The following PITPNC1 variants were observed in gnomAD, a reference collection of about 807,000 sequenced individuals.
PITPNC1 encodes the protein phosphatidylinositol transfer protein cytoplasmic 1, also known as cytoplasmic phosphatidylinositol transfer protein 1.
Under a neutral mutation model 44.7 loss-of-function variants are expected in PITPNC1, and 18 were observed. That is an observed-to-expected ratio of 0.40 (90% CI 0.28 to 0.60). The LOEUF (loss-of-function observed/expected upper bound fraction) is 0.60, where lower values mean the gene tolerates loss of function less well. PITPNC1 is among the 20% of genes least tolerant of loss of function. PITPNC1 has a pLI of 0.39. For missense variants in PITPNC1, 290 were observed against 418.4 expected (o/e 0.69, Z 2.68); for synonymous variants, 141 against 149.6 (o/e 0.94, Z 0.42).
intron 5 of PITPNC1, among the ~76,000 whole-genome samples, chr17:67,608,247 C>A (rs72848182): frequency 0.031 from 3,475 of 113,160 alleles, 108 homozygotes; most frequent in African/African-American, 0.099. Context: ...AAAAAAAAAA[C>A]AAAAAAAAAC....
Position 67,631,035 on chromosome 17 carries a change from G to A in PITPNC1, c.367-1108G>A, listed in dbSNP as rs930486130. Among the ~76,000 whole-genome samples the A allele has an allele frequency of 6.3e-5, 9 of 143,436 alleles. No individual in the cohort carries two copies. In the East Asian group the frequency reaches 1.0e-3, roughly 16 times the overall value. The allele number at this position is 143,436 out of a possible 152,430, so 94.1% of individuals were successfully genotyped here. ...GCCGACATTTATATCTATATATTGC[G>A]GCTGTGTTGTTGTTGTTGTTATTAT... On this transcript the variant is annotated intron_variant, in intron 5 of 8. Coordinates refer to ENST00000581322, the MANE Select transcript of PITPNC1 (RefSeq NM_012417.4).
intron 7 of PITPNC1, among the ~76,000 whole-genome samples, chr17:67,675,028 A>T (rs988524407): frequency 7.0e-6 from 1 of 143,616 alleles, no homozygotes; most frequent in Non-Finnish European, 1.5e-5. Context: ...AAAAAAAAAA[A>T]GTGACTTGCT....
intron 1 of PITPNC1, among the ~76,000 whole-genome samples, chr17:67,398,665 G>C (rs2078835452): frequency 6.6e-6 from 1 of 151,984 alleles, no homozygotes; most frequent in South Asian, 2.1e-4. Flanking sequence ...CAGCAGCAGC[G>C]ACCACCAGTG....
intron 1 of PITPNC1, among the ~76,000 whole-genome samples, chr17:67,516,775 C>T (rs1017543457): frequency 5.3e-5 from 8 of 152,158 alleles, no homozygotes; most frequent in South Asian, 2.1e-4. Flanking sequence ...CCCGCCACCA[C>T]GCCTGGTTAA....
intron 1 of PITPNC1, among the ~76,000 whole-genome samples, chr17:67,430,001 G>A (rs1393430215): frequency 6.6e-6 from 1 of 152,178 alleles, no homozygotes; most frequent in Non-Finnish European, 1.5e-5. Flanking sequence ...AGTGGAAACA[G>A]CCTTGCTTTG....
chr17:67,559,657 T>C (rs2040881424), intron 4 of PITPNC1, among the ~76,000 whole-genome samples: 1 of 152,124 alleles, frequency 6.6e-6, no homozygotes, highest in African/African-American at 2.4e-5. Context: ...GAGGCTGAGA[T>C]AGGCGGATCA....
At chr17:67,384,307 C>G (rs1333754871) in intron 1 of PITPNC1, among the ~76,000 whole-genome samples, 1 of 152,046 alleles carries the variant, frequency 6.6e-6, no homozygotes, top group Non-Finnish European at 1.5e-5. Context: ...CCAGGCACCC[C>G]CAGGGTCCCC....
At chr17:67,669,002 T>A (rs900535741) in intron 6 of PITPNC1, among the ~76,000 whole-genome samples, 1 of 152,248 alleles carries the variant, frequency 6.6e-6, no homozygotes, top group Non-Finnish European at 1.5e-5. Flanking sequence ...AATACCAGAA[T>A]GTTTTCATCA....
chr17:67,554,767 A>G (rs974728420), intron 4 of PITPNC1, among the ~76,000 whole-genome samples: 2 of 152,236 alleles, frequency 1.3e-5, no homozygotes, highest in Non-Finnish European at 2.9e-5. Context: ...AAATGGTCCC[A>G]GCACAGGCTT....
At chr17:67,399,525 A>C (rs1567975255) in intron 1 of PITPNC1, among the ~76,000 whole-genome samples, 1 of 152,222 alleles carries the variant, frequency 6.6e-6, no homozygotes, top group Non-Finnish European at 1.5e-5. Flanking sequence ...CGAATAAGAA[A>C]ATCGCTTGAA....
At chr17:67,667,259 T>C (rs920580564) in intron 6 of PITPNC1, among the ~76,000 whole-genome samples, 1 of 152,018 alleles carries the variant, frequency 6.6e-6, no homozygotes, top group African/African-American at 2.4e-5. Flanking sequence ...CTGGGCCCGG[T>C]GACCCACGCC....
intron 1 of PITPNC1, among the ~76,000 whole-genome samples, chr17:67,501,577 A>G (rs966437901): frequency 1.3e-5 from 2 of 152,130 alleles, no homozygotes; most frequent in Non-Finnish European, 2.9e-5. Context: ...CACGCCTGTA[A>G]TTCCAGCAAT....
chr17:67,515,116 C>G (rs1016680950), intron 1 of PITPNC1, among the ~76,000 whole-genome samples: 2 of 152,174 alleles, frequency 1.3e-5, no homozygotes, highest in Admixed American at 6.5e-5. Flanking sequence ...TTAGAAGGAA[C>G]CAGGCTGACC....
At chr17:67,548,913 AC>A (rs1205014765) in intron 2 of PITPNC1, among the ~76,000 whole-genome samples, 1 of 152,212 alleles carries the variant, frequency 6.6e-6, no homozygotes, top group Non-Finnish European at 1.5e-5. Context: ...AGTGACAGCA[AC>A]AGTGGGGACT....
intron 2 of PITPNC1, among the ~76,000 whole-genome samples, chr17:67,540,577 T>TG (rs1231338796): frequency 3.9e-5 from 6 of 152,250 alleles, no homozygotes; most frequent in Non-Finnish European, 7.3e-5. Flanking sequence ...CATGCATGTC[T>TG]GTTACCTTTC....
chr17:67,485,586 A>G (rs2039767702), intron 1 of PITPNC1, among the ~76,000 whole-genome samples: 3 of 152,072 alleles, frequency 2.0e-5, no homozygotes, highest in Non-Finnish European at 4.4e-5. Flanking sequence ...GCTGGTCTCT[A>G]TCCACCCACC....
chr17:67,614,076 G>T (rs2041726292), intron 5 of PITPNC1, among the ~76,000 whole-genome samples: 1 of 150,324 alleles, frequency 6.7e-6, no homozygotes, highest in Non-Finnish European at 1.5e-5. Context: ...AACAGAACAA[G>T]ACTCTGTCTC....
intron 2 of PITPNC1, among the ~76,000 whole-genome samples, chr17:67,533,716 G>A (rs2040493296): frequency 6.6e-6 from 1 of 152,176 alleles, no homozygotes; most frequent in Non-Finnish European, 1.5e-5. Flanking sequence ...GACCAAAGTG[G>A]TTAAGATGGC....
At chr17:67,498,257 C>A (rs1447775376) in intron 1 of PITPNC1, among the ~76,000 whole-genome samples, 2 of 151,908 alleles carry the variant, frequency 1.3e-5, no homozygotes, top group Admixed American at 6.6e-5. Context: ...TTTGGGTTAT[C>A]TTTTTAATTA....
Sources: allele counts gnomAD v4.1 joint callset (sites outside exome capture counted in the v4.1 genomes callset), GRCh38; gene constraint gnomAD v4.1.1; transcripts MANE v1.5; gene names NCBI Gene and HGNC (gene_info 2026-07-23, HGNC 2026-07-21).